The following OR4C11 variants were observed in gnomAD, a reference collection of about 807,000 sequenced individuals.
The protein encoded by OR4C11 is olfactory receptor family 4 subfamily C member 11.
In OR4C11, 15 loss-of-function variants were observed where a neutral mutation model predicts 14.7. That is an observed-to-expected ratio of 1.02 (90% CI 0.68 to 1.58). The LOEUF is 1.58. Among genes scored for constraint, OR4C11 ranks in the 40% most tolerant of loss-of-function variants. The pLI is 0.00. For synonymous variants in OR4C11, 146 were observed against 135.0 expected, an observed-to-expected ratio of 1.08 and a Z score of -0.57; for missense variants, 473 against 383.0, an observed-to-expected ratio of 1.24 and a Z score of -1.96.
chr11:55,603,834 C>T lies in OR4C11; in HGVS notation c.540G>A (p.Gln180=), dbSNP rs747854211. ...CCATGCAGGCAAGTTTCAACAAGGG[C>T]TGCAAATCACAGCAATAATGATCAA... ...YLIDHYCCDL[Q]PLLKLACMDT... is the part of the protein sequence containing the mutation. The change falls in exon 4 of 4, where the codon CAG becomes CAA. Residue 180 remains glutamine (Q), a synonymous_variant. Coordinates refer to ENST00000641580, the MANE Select transcript of OR4C11 (RefSeq NM_001004700.3). 5.4e-6 allele frequency: 8 copies of T among 1,491,912 alleles called. 3 individuals carry two copies. The South Asian group carries it at 9.4e-5, about 18-fold the overall frequency. The allele number at this position is 1,491,912 out of a possible 1,614,324, so 92.4% of individuals were successfully genotyped here.
rs61730928 is a variant in OR4C11 at position 55,604,197 on chromosome 11, G to C, written c.177C>G (p.Phe59Leu). 211 of 1,481,088 alleles carry C rather than the reference G, an allele frequency of 1.4e-4. 25 individuals are homozygous for C. The African/African-American group carries it at 2.5e-3, about 17-fold the overall frequency. 91.7% of individuals were successfully genotyped at this position (1,481,088 alleles called of 1,614,324 possible). A position where few individuals can be genotyped will look rare whatever the true frequency, so the allele number is the denominator to read the frequency against. The change falls in exon 4 of 4, where the codon TTC (phenylalanine) becomes TTG (leucine). Residue 59 changes from phenylalanine to leucine, a missense_variant. Transcript: ENST00000641580. ...CTGCAAAGGACAAATAAAATAGAAA[G>C]AAGTACATGGGGCTTCCTAGTGTCC... ...SSRTLGSPMY[F>L]FLFYLSFADS...
chr11:55,604,210 C>A lies in OR4C11; in HGVS notation c.164G>T (p.Ser55Ile). 9 of 1,482,702 alleles carry A rather than the reference C, an allele frequency of 6.1e-6. 2 individuals carry two copies. Among genetic ancestry groups the A allele is most frequent in the Non-Finnish European group, 8.3e-6 (9 of 1,089,388 alleles). The allele number at this position is 1,482,702 out of a possible 1,614,324, so 91.8% of individuals were successfully genotyped here. Residue 55 changes from serine (S) to isoleucine (I), a missense_variant, in exon 4 of 4, where the codon AGC (serine) becomes ATC (isoleucine). Physicochemically the swap from Ser to Ile is moderately radical, Grantham distance 142. Coordinates refer to ENST00000641580, the MANE Select transcript of OR4C11 (RefSeq NM_001004700.3). ...ATAAAATAGAAAGAAGTACATGGGG[C>A]TTCCTAGTGTCCGGCTGGACTTGAT... The part of the protein sequence containing the change: ...VTIKSSRTLG[S>I]PMYFFLFYLS...
Position 55,604,079 on chromosome 11 carries a change from C to A in OR4C11, c.295G>T (p.Val99Phe). Residue 99 changes from valine (V) to phenylalanine (F), a missense_variant, in exon 4 of 4, where the codon GTC (valine) becomes TTC (phenylalanine). Coordinates refer to ENST00000641580, the MANE Select transcript of OR4C11 (RefSeq NM_001004700.3). ...CAGCCAAATAAATGTAGTGCAAAGA[C>A]TTGTGTCATGCACTCATTGTAGGTT... ...IITYNECMTQ[V>F]FALHLFGCME... 6.7e-7 allele frequency: 1 copy of A among 1,486,148 alleles called. No homozygotes were observed. Among genetic ancestry groups the A allele is most frequent in the South Asian group, 1.2e-5 (1 of 84,798 alleles). 92.1% of individuals were successfully genotyped at this position (1,486,148 alleles called of 1,614,324 possible). A position where few individuals can be genotyped will look rare whatever the true frequency, so the allele number is the denominator to read the frequency against.
chr11:55,607,314 T>C lies in OR4C11; in HGVS notation c.-392A>G, dbSNP rs1359807553. The C allele has an allele frequency of 7.2e-6, 1 of 138,540 alleles. No homozygotes were observed. The highest frequency in any genetic ancestry group is 2.5e-5 in the African/African-American group (1 of 39,874). 8.6% of individuals were successfully genotyped at this position (138,540 alleles called of 1,614,324 possible). A position where few individuals can be genotyped will look rare whatever the true frequency, so the allele number is the denominator to read the frequency against. ...GGTAGTGCCCATTTCCATCAAGAAA[T>C]TCTGTGCATGATTTTTATTTCCATC... is the stretch of plus-strand genomic sequence containing the variant. On this transcript the variant is annotated 5_prime_UTR_variant, in exon 1 of 4. Transcript: ENST00000641580.
At chr11:55,606,225 C>CA (rs1565065360) in intron 2 of OR4C11, among the ~76,000 whole-genome samples, 1 of 137,246 alleles carries the variant, frequency 7.3e-6, no homozygotes, top group African/African-American at 2.5e-5. Flanking sequence ...CACACACACA[C>CA]ACAAAATTGT....
chr11:55,603,918 T>C lies in OR4C11; in HGVS notation c.456A>G (p.Ile152Met). Reference protein sequence around the residue: ...LIVLAWIGSLIHSTAQIILAL... With the variant: ...LIVLAWIGSLMHSTAQIILAL... ...CCAGGATAATCTGAGCTGTAGAGTG[T>C]ATTAAAGACCCTATCCAGGCAAGAA... Residue 152 changes from isoleucine (I) to methionine (M), a missense_variant, in exon 4 of 4, where the codon ATA becomes ATG. By Grantham distance (10) the Ile-to-Met change is conservative (BLOSUM62 1). Coordinates refer to ENST00000641580, the MANE Select transcript of OR4C11 (RefSeq NM_001004700.3). 1 of 1,484,696 alleles carries C rather than the reference T, an allele frequency of 6.7e-7. No individual in the cohort carries two copies. The highest frequency in any genetic ancestry group is 1.4e-5 in the African/African-American group (1 of 72,542). The allele number at this position is 1,484,696 out of a possible 1,614,324, so 92.0% of individuals were successfully genotyped here. A position where few individuals can be genotyped will look rare whatever the true frequency, so the allele number is the denominator to read the frequency against.
At position 55,603,378 on chromosome 11, in the gene OR4C11, T is replaced by C. The variant is rs1857908589; in HGVS notation, c.*63A>G. The C allele has an allele frequency of 5.0e-6, 4 of 800,308 alleles. 1 individual carries two copies. The highest frequency in any genetic ancestry group is 7.6e-6 in the Non-Finnish European group (4 of 528,512). 49.6% of individuals were successfully genotyped at this position (800,308 alleles called of 1,614,324 possible). A position where few individuals can be genotyped will look rare whatever the true frequency, so the allele number is the denominator to read the frequency against. On this transcript the variant is annotated 3_prime_UTR_variant, in exon 4 of 4. Coordinates refer to ENST00000641580, the MANE Select transcript of OR4C11 (RefSeq NM_001004700.3). ...AGCATTCAGGTACTTTCCTATTTGC[T>C]GTCTATACTTACTCTGTTAAATCAT... is the stretch of plus-strand genomic sequence containing the variant.
At position 55,603,595 on chromosome 11, in the gene OR4C11, G is replaced by A. The variant is rs201361433; in HGVS notation, c.779C>T (p.Pro260Leu). 182 of 1,483,464 alleles carry A rather than the reference G, an allele frequency of 1.2e-4. 36 individuals are homozygous for A. The Middle Eastern group carries it at 1.9e-3, about 15-fold the overall frequency. 91.9% of individuals were successfully genotyped at this position (1,483,464 alleles called of 1,614,324 possible). A position where few individuals can be genotyped will look rare whatever the true frequency, so the allele number is the denominator to read the frequency against. Reference sequence around the variant, plus strand: ...CATCTTGTCCATGGGGAAAGTGGTCGGGGGGCGTGTATATATGAATATACA... The same window carrying A: ...CATCTTGTCCATGGGGAAAGTGGTCAGGGGGCGTGTATATATGAATATACA... The part of the protein sequence containing the change: ...GPCIFIYTRP[P>L]TTFPMDKMVA... The change falls in exon 4 of 4, where the codon CCG (proline) becomes CTG (leucine). Residue 260 changes from proline (P) to leucine (L), a missense_variant. Transcript: ENST00000641580.
intron 3 of OR4C11, 113 bp downstream of exon 3, chr11:55,605,009 GAGAA>G (rs1245525434): frequency 1.4e-5 from 2 of 138,052 alleles, no homozygotes; most frequent in African/African-American, 5.0e-5. Flanking sequence ...CACATACACA[GAGAA>G]AGAGACAATA....
At position 55,604,694 on chromosome 11, in the gene OR4C11, C is replaced by A. The variant is rs1280963211; in HGVS notation, c.-44-277G>T. ...TAGAAATAGAAAAATAACTTAAAAG[C>A]AAATGATTTTTCAAACAAAGTAAAC... On this transcript the variant is annotated intron_variant, in intron 3 of 3. Transcript: ENST00000641580. Among the ~76,000 whole-genome samples, 3 of 137,606 alleles carry A rather than the reference C, an allele frequency of 2.2e-5. 1 individual carries two copies. Among genetic ancestry groups the A allele is most frequent in the Non-Finnish European group, 4.8e-5 (3 of 61,914 alleles). The allele number at this position is 137,606 out of a possible 152,430, so 90.3% of individuals were successfully genotyped here. A position where few individuals can be genotyped will look rare whatever the true frequency, so the allele number is the denominator to read the frequency against.
At position 55,604,339 on chromosome 11, in the gene OR4C11, A is replaced by T; in HGVS notation, c.35T>A (p.Leu12Gln). ...QQNNSVPEFILLGLTQDPLRQ... is the reference protein window; with the variant it reads ...QQNNSVPEFIQLGLTQDPLRQ... ...CAAGGGATCCTGTGTTAATCCTAAC[A>T]GTATGAATTCAGGCACACTGTTATT... Residue 12 changes from leucine (L) to glutamine (Q), a missense_variant, in exon 4 of 4, where the codon CTG (leucine) becomes CAG (glutamine). Physicochemically the swap from Leu to Gln is moderately radical, Grantham distance 113. Transcript: ENST00000641580. 7.2e-7 allele frequency: 1 copy of T among 1,397,306 alleles called. No individual in the cohort carries two copies. Among genetic ancestry groups the T allele is most frequent in the Non-Finnish European group, 9.7e-7 (1 of 1,029,592 alleles). The allele number at this position is 1,397,306 out of a possible 1,614,324, so 86.6% of individuals were successfully genotyped here. A position where few individuals can be genotyped will look rare whatever the true frequency, so the allele number is the denominator to read the frequency against.
chr11:55,606,880 A>G (rs1857968643), intron 1 of OR4C11, among the ~76,000 whole-genome samples: 1 of 138,914 alleles, frequency 7.2e-6, no homozygotes, highest in Non-Finnish European at 1.6e-5. Flanking sequence ...ATACAAATAG[A>G]CATCATTACA....
At position 55,603,200 on chromosome 11, in the gene OR4C11, T is replaced by C; in HGVS notation, c.*241A>G. The C allele has an allele frequency of 3.1e-6, 1 of 327,028 alleles. No individual in the cohort carries two copies. The highest frequency in any genetic ancestry group is 5.5e-6 in the Non-Finnish European group (1 of 183,482). 20.3% of individuals were successfully genotyped at this position (327,028 alleles called of 1,614,324 possible). On this transcript the variant is annotated 3_prime_UTR_variant, in exon 4 of 4. Coordinates refer to ENST00000641580, the MANE Select transcript of OR4C11 (RefSeq NM_001004700.3). ...TGCATGGCTGGAAAGGAAGATAATC[T>C]GAAAAGAAAAGACTACTGGTAGGTA... is the stretch of plus-strand genomic sequence containing the variant.
In OR4C11 at chr11:55,603,657, C is replaced by G. The variant is rs145219609; in HGVS notation, c.717G>C (p.Thr239=). The G allele has an allele frequency of 6.8e-7, 1 of 1,480,778 alleles. No homozygotes were observed. The highest frequency in any genetic ancestry group is 1.2e-5 in the South Asian group (1 of 84,638). The allele number at this position is 1,480,778 out of a possible 1,614,324, so 91.7% of individuals were successfully genotyped here. A position where few individuals can be genotyped will look rare whatever the true frequency, so the allele number is the denominator to read the frequency against. Residue 239 remains threonine, a synonymous_variant, in exon 4 of 4, where the codon ACG becomes ACC. Transcript: ENST00000641580. ...ATAAGATGACTACAATTATGTGAGA[C>G]GTGCAAGCGGAGAGAGCCTTTTTCT... The part of the protein sequence containing the change: ...KGKKKALSAC[T]SHIIVVILFF...
At chr11:55,607,138 C>T (rs1376750783) in intron 1 of OR4C11, 149 bp downstream of exon 1, 1 of 138,090 alleles carries the variant, frequency 7.2e-6, no homozygotes, top group South Asian at 2.4e-4. Flanking sequence ...GGAGCACTTC[C>T]TGGAACACCC....
In OR4C11 at chr11:55,604,286, AG is replaced by A. The variant is rs1223140728; in HGVS notation, c.87del (p.Leu30Ter). 7.0e-7 allele frequency: 1 copy of A among 1,428,804 alleles called. No homozygotes were observed. Among genetic ancestry groups the A allele is most frequent in the African/African-American group, 1.4e-5 (1 of 72,034 alleles). The allele number at this position is 1,428,804 out of a possible 1,614,324, so 88.5% of individuals were successfully genotyped here. A position where few individuals can be genotyped will look rare whatever the true frequency, so the allele number is the denominator to read the frequency against. On this transcript the variant is annotated frameshift_variant, in exon 4 of 4. Coordinates refer to ENST00000641580, the MANE Select transcript of OR4C11 (RefSeq NM_001004700.3). LOFTEE classifies it high-confidence loss of function. ...PLRQKIVFVI[F>X]LIFYMGTVVG... ...ACCACAGTTCCCATATAGAAAATTA[AG>A]AAGATTACAAACACTATTTTCTGCC...
chr11:55,603,872 C>A lies in OR4C11; in HGVS notation c.502G>T (p.Gly168Ter), dbSNP rs750202313. 6.7e-7 allele frequency: 1 copy of A among 1,491,230 alleles called. No individual in the cohort carries two copies. Among genetic ancestry groups the A allele is most frequent in the South Asian group, 1.2e-5 (1 of 84,848 alleles). 92.4% of individuals were successfully genotyped at this position (1,491,230 alleles called of 1,614,324 possible). A position where few individuals can be genotyped will look rare whatever the true frequency, so the allele number is the denominator to read the frequency against. ...IILALRLPFC[G>*]PYLIDHYCCD... ...CAATAATGATCAATCAAATAGGGTC[C>A]ACAGAAAGGCAATCTTAAGGCCAGG... is the stretch of plus-strand genomic sequence containing the variant. The change falls in exon 4 of 4, where the codon GGA becomes TGA. Residue 168 changes from glycine (G) to a stop codon, truncating the protein, a stop_gained. Transcript: ENST00000641580. LOFTEE classifies it high-confidence loss of function.
Position 55,604,352 on chromosome 11 carries a change from G to A in OR4C11, c.22C>T (p.Pro8Ser). 7.4e-7 allele frequency: 1 copy of A among 1,348,472 alleles called. No individual in the cohort carries two copies. The highest frequency in any genetic ancestry group is 1.0e-6 in the Non-Finnish European group (1 of 994,234). 83.5% of individuals were successfully genotyped at this position (1,348,472 alleles called of 1,614,324 possible). MQQNNSV[P>S]EFILLGLTQD... ...GTTAATCCTAACAGTATGAATTCAG[G>A]CACACTGTTATTTTGCTGCATTGTT... The change falls in exon 4 of 4, where the codon CCT (proline) becomes TCT (serine). Residue 8 changes from proline to serine, a missense_variant. Physicochemically the swap from Pro to Ser is moderately conservative, Grantham distance 74. Coordinates refer to ENST00000641580, the MANE Select transcript of OR4C11 (RefSeq NM_001004700.3).
In OR4C11 at chr11:55,604,308, CTGCCTCAAGGGATCCTGTG is replaced by C. The variant is rs756688443; in HGVS notation, c.47_65del (p.Thr16ArgfsTer3). On this transcript the variant is annotated frameshift_variant, in exon 4 of 4. Transcript: ENST00000641580. LOFTEE classifies it high-confidence loss of function. ...TTAAGAAGATTACAAACACTATTTT[CTGCCTCAAGGGATCCTGTG>C]TTAATCCTAACAGTATGAATTCAGG... The C allele has an allele frequency of 9.8e-6, 14 of 1,425,690 alleles. 4 individuals carry two copies. The South Asian group carries it at 1.7e-4, about 18-fold the overall frequency. 88.3% of individuals were successfully genotyped at this position (1,425,690 alleles called of 1,614,324 possible).
Sources: allele counts gnomAD v4.1 joint callset (sites outside exome capture counted in the v4.1 genomes callset), GRCh38; gene constraint gnomAD v4.1.1; transcripts MANE v1.5; gene names NCBI Gene and HGNC (gene_info 2026-07-23, HGNC 2026-07-21).